Variants in ARAP2 observed in about 807,000 individuals in gnomAD.
ARAP2 encodes ArfGAP with RhoGAP domain, ankyrin repeat and PH domain 2.
A neutral mutation model predicts 194.5 loss-of-function variants in ARAP2; 148 were observed. The observed-to-expected ratio is 0.76, with a 90% CI of 0.67 to 0.87. ARAP2 has a LOEUF of 0.87. Ranked by LOEUF, ARAP2 falls within the 40% of genes least tolerant of loss-of-function variation. ARAP2 has a pLI of 0.00. For missense variants in ARAP2, 2,128 were observed against 1,989.7 expected (o/e 1.07, Z -1.32); for synonymous variants, 695 against 683.5 (o/e 1.02, Z -0.26).
intron 19 of ARAP2, among the ~76,000 whole-genome samples, chr4:36,138,531 G>A (rs1353108690): frequency 6.6e-6 from 1 of 151,558 alleles, no homozygotes; most frequent in Non-Finnish European, 1.5e-5. Context: ...CATTCATGTT[G>A]TTGTTAATAT....
At position 36,142,319 on chromosome 4, in the gene ARAP2, T is replaced by C. The variant is rs758043057; in HGVS notation, c.3263+4977A>G. 1.2e-4 allele frequency among the ~76,000 whole-genome samples: 18 copies of C among 151,670 alleles called. 1 individual carries two copies. Among genetic ancestry groups the C allele is most frequent in the Non-Finnish European group, 2.7e-4 (18 of 67,778 alleles). ...GACCTTCAATCTCTCCCATTTTCTG[T>C]TTCTTTTCCATCAAAATTTAAACTT... On this transcript the variant is annotated intron_variant, in intron 19 of 32. Coordinates refer to ENST00000303965, the MANE Select transcript of ARAP2 (RefSeq NM_015230.4).
chr4:36,020,635 C>T (rs1716765671), intron 5 of ARAP2, among the ~76,000 whole-genome samples: 1 of 152,186 alleles, frequency 6.6e-6, no homozygotes, highest in Non-Finnish European at 1.5e-5. Flanking sequence ...TTTATTTCTG[C>T]ATCATTCCAT....
At chr4:36,181,856 T>G (rs1560608495) in intron 8 of ARAP2, among the ~76,000 whole-genome samples, 1 of 152,134 alleles carries the variant, frequency 6.6e-6, no homozygotes, top group Non-Finnish European at 1.5e-5. Flanking sequence ...TGCAATTGGG[T>G]ACCTTAAACA....
chr4:36,010,613 C>T (rs933911142), intron 9 of ARAP2, among the ~76,000 whole-genome samples: 1 of 152,148 alleles, frequency 6.6e-6, no homozygotes, highest in Non-Finnish European at 1.5e-5. Context: ...TGCCATCCTG[C>T]TGCTCCCTCA....
intron 8 of ARAP2, among the ~76,000 whole-genome samples, chr4:36,014,369 A>AGAAG (rs1715382257): frequency 7.3e-6 from 1 of 136,488 alleles, no homozygotes; most frequent in Admixed American, 7.1e-5. Flanking sequence ...AAAGAAAGAA[A>AGAAG]GAAAGAAAGA....
chr4:36,039,498 T>C (rs1233946670), intron 5 of ARAP2, among the ~76,000 whole-genome samples: 2 of 152,150 alleles, frequency 1.3e-5, no homozygotes, highest in Admixed American at 6.5e-5. Context: ...GCAGCCCACA[T>C]AGGCTTCTGC....
intron 3 of ARAP2, 75 bp downstream of exon 3, chr4:36,214,347 G>C: frequency 1.6e-6 from 2 of 1,263,236 alleles, no homozygotes; most frequent in East Asian, 5.2e-5. Context: ...GGCTGCCTTC[G>C]CAATCATGAT....
At chr4:36,126,441 C>T (rs761032730) in intron 21 of ARAP2, among the ~76,000 whole-genome samples, 5 of 151,908 alleles carry the variant, frequency 3.3e-5, no homozygotes, top group East Asian at 1.9e-4. Flanking sequence ...AGCAATTCAA[C>T]GAAACATATA....
intron 20 of ARAP2, among the ~76,000 whole-genome samples, chr4:36,132,774 C>T (rs1296432348): frequency 6.6e-6 from 1 of 151,688 alleles, no homozygotes; most frequent in East Asian, 1.9e-4. Context: ...ACTACATGCA[C>T]ACTTTATGTA....
intron 32 of ARAP2, among the ~76,000 whole-genome samples, chr4:36,072,011 G>C (rs968402851): frequency 1.3e-5 from 2 of 151,524 alleles, no homozygotes; most frequent in Non-Finnish European, 1.5e-5. Flanking sequence ...TTAAAACAAA[G>C]GGTCAAAAAT....
chr4:36,144,952 TA>T (rs1729286355), intron 19 of ARAP2, among the ~76,000 whole-genome samples: 2 of 151,982 alleles, frequency 1.3e-5, no homozygotes, highest in Admixed American at 6.6e-5. Context: ...CTTATGATTT[TA>T]ATAGCATTTT....
intron 9 of ARAP2, 57 bp from the exon 10 acceptor site, chr4:36,167,104 G>C: frequency 5.8e-6 from 6 of 1,030,800 alleles, no homozygotes; most frequent in Non-Finnish European, 7.0e-6. Context: ...GATTTTGAAA[G>C]TATAATTACA....
intron 9 of ARAP2, among the ~76,000 whole-genome samples, chr4:36,173,514 G>A (rs942965943): frequency 5.3e-5 from 8 of 151,870 alleles, no homozygotes; most frequent in African/African-American, 9.7e-5. Context: ...AAAAGGAACC[G>A]ACAAATGAAA....
intron 3 of ARAP2, among the ~76,000 whole-genome samples, chr4:36,051,822 T>C (rs1387817686): frequency 6.6e-6 from 1 of 152,214 alleles, no homozygotes; most frequent in East Asian, 1.9e-4. Flanking sequence ...TCTTCCACAT[T>C]GTAAAGCACT....
At chr4:36,104,292 AT>A (rs1717807462) in intron 27 of ARAP2, among the ~76,000 whole-genome samples, 1 of 151,856 alleles carries the variant, frequency 6.6e-6, no homozygotes. Context: ...CATTATTCCC[AT>A]TTTTCTTTGA....
At chr4:36,145,477 T>C (rs547167991) in intron 19 of ARAP2, among the ~76,000 whole-genome samples, 3 of 151,824 alleles carry the variant, frequency 2.0e-5, no homozygotes, top group Admixed American at 6.6e-5. Context: ...AGTTAAACAA[T>C]GAGTTACATG....
intron 19 of ARAP2, among the ~76,000 whole-genome samples, chr4:36,138,961 A>G (rs1727529590): frequency 6.6e-6 from 1 of 151,656 alleles, no homozygotes; most frequent in Non-Finnish European, 1.5e-5. Flanking sequence ...GGCTATTCAT[A>G]GACATCCTTT....
intron 30 of ARAP2, 108 bp from the exon 31 acceptor site, chr4:36,080,387 T>A (rs1054020357): frequency 2.5e-6 from 2 of 795,764 alleles, no homozygotes; most frequent in South Asian, 1.7e-5. Flanking sequence ...CTCTCCTGAT[T>A]AATGACGTAA....
chr4:36,139,711 C>T (rs1212504096), intron 19 of ARAP2, among the ~76,000 whole-genome samples: 2 of 151,482 alleles, frequency 1.3e-5, no homozygotes, highest in African/African-American at 4.8e-5. Flanking sequence ...AGTTTTATAG[C>T]TCCATCACAC....
Sources: allele counts gnomAD v4.1 joint callset (sites outside exome capture counted in the v4.1 genomes callset), GRCh38; gene constraint gnomAD v4.1.1; transcripts MANE v1.5; gene names NCBI Gene and HGNC (gene_info 2026-07-23, HGNC 2026-07-21).